The following WWP2 variants were observed in gnomAD, a reference collection of about 807,000 sequenced individuals.
WWP2 encodes NEDD4-like E3 ubiquitin-protein ligase WWP2.
WWP2 carries 57 observed loss-of-function variants against 121.0 expected under a neutral mutation model. The observed-to-expected ratio is 0.47, with a 90% confidence interval of 0.38 to 0.59. The LOEUF is 0.59. Among genes scored for constraint, WWP2 ranks in the 20% least tolerant of loss-of-function variants. The pLI, the probability that WWP2 is intolerant of heterozygous loss-of-function variation, is 0.00. For missense variants in WWP2, 962 were observed against 1,158.9 expected (o/e 0.83, Z 2.47); for synonymous variants, 449 against 441.3 (o/e 1.02, Z -0.22).
At position 69,824,119 on chromosome 16, in the gene WWP2, C is replaced by T. The variant is rs145628159; in HGVS notation, c.341-16007C>T. 3.9e-4 allele frequency among the ~76,000 whole-genome samples: 59 copies of T among 152,346 alleles called. 1 individual carries two copies. The East Asian group carries it at 8.3e-3, about 21-fold the overall frequency. On this transcript the variant is annotated intron_variant, in intron 4 of 23. Transcript: ENST00000359154. Reference sequence around the variant, plus strand: ...GGGCCTCTGCTCCGCACCAGTCATTCGGGCGGCTTCCGCCTGACCGTCCAT... The same window carrying T: ...GGGCCTCTGCTCCGCACCAGTCATTTGGGCGGCTTCCGCCTGACCGTCCAT...
chr16:69,832,364 A>G (rs948404557), intron 4 of WWP2, among the ~76,000 whole-genome samples: 1 of 152,022 alleles, frequency 6.6e-6, no homozygotes, highest in Non-Finnish European at 1.5e-5. Context: ...ACATACTTCA[A>G]CTATAAATAT....
chr16:69,918,665 T>C (rs934315312), intron 10 of WWP2, among the ~76,000 whole-genome samples: 5 of 152,340 alleles, frequency 3.3e-5, no homozygotes, highest in African/African-American at 7.2e-5. Context: ...CCCATCTGAA[T>C]TGCTAGAGCA....
At chr16:69,786,846 CAT>C in intron 1 of WWP2, 148 bp from the exon 2 acceptor site, 2 of 621,828 alleles carry the variant, frequency 3.2e-6, no homozygotes, top group Non-Finnish European at 5.5e-6. Context: ...TTCATTAAGT[CAT>C]TATAAGACAA....
At chr16:69,812,468 A>ACCCC (rs747172682) in intron 4 of WWP2, among the ~76,000 whole-genome samples, 29 of 101,748 alleles carry the variant, frequency 2.9e-4, no homozygotes, top group South Asian at 1.0e-3. Context: ...CCTGCCCCCA[A>ACCCC]CCCCCCCCCT....
intron 8 of WWP2, among the ~76,000 whole-genome samples, chr16:69,898,286 C>A (rs1187650873): frequency 6.6e-6 from 1 of 152,086 alleles, no homozygotes; most frequent in East Asian, 1.9e-4. Flanking sequence ...CCTCGGCCTC[C>A]CAAAGTGCTG....
intron 17 of WWP2, among the ~76,000 whole-genome samples, chr16:69,934,802 C>T (rs1390025778): frequency 6.6e-6 from 1 of 152,026 alleles, no homozygotes; most frequent in South Asian, 2.1e-4. Flanking sequence ...TCTGGTTTCT[C>T]CAGAACTATC....
intron 6 of WWP2, among the ~76,000 whole-genome samples, chr16:69,853,126 G>C (rs1317946474): frequency 2.6e-5 from 4 of 152,224 alleles, no homozygotes; most frequent in Non-Finnish European, 5.9e-5. Flanking sequence ...ATTCAGGAAA[G>C]TAGTCTAATG....
chr16:69,880,497 G>A (rs987037070), intron 7 of WWP2, among the ~76,000 whole-genome samples: 7 of 152,178 alleles, frequency 4.6e-5, no homozygotes, highest in African/African-American at 9.7e-5. Context: ...ACAGTAGGAT[G>A]TAAGTAGGAA....
At chr16:69,818,132 G>A (rs144364104) in intron 4 of WWP2, among the ~76,000 whole-genome samples, 127 of 151,514 alleles carry the variant, frequency 8.4e-4, no homozygotes, top group Middle Eastern at 3.4e-3. Context: ...AGTCTGTTAG[G>A]CAAAGTGATT....
rs2058846519 is a variant in WWP2, at chr16:69,939,400, A to G, written c.2500A>G (p.Arg834Gly). 6.2e-7 allele frequency: 1 copy of G among 1,614,026 alleles called. No individual in the cohort carries two copies. Among genetic ancestry groups the G allele is most frequent in the African/African-American group, 1.3e-5 (1 of 74,932 alleles). Reference sequence around the variant, plus strand: ...AGTTGGCAAGGAAACCTGGCTGCCCAGAAGCCACACCTGGTGAGCCTGCTG... The same window carrying G: ...AGTTGGCAAGGAAACCTGGCTGCCCGGAAGCCACACCTGGTGAGCCTGCTG... ...DKVGKETWLPRSHTCFNRLDL... is the reference protein window; with the variant it reads ...DKVGKETWLPGSHTCFNRLDL... The change falls in exon 23 of 24, where the codon AGA (arginine) becomes GGA (glycine). Residue 834 changes from arginine (R) to glycine (G), a missense_variant. By Grantham distance (125) the Arg-to-Gly change is moderately radical. Around this residue, in one of 3 missense-constraint regions of WWP2, gnomAD observed 606 missense variants for 772.6 expected, o/e 0.78. Transcript: ENST00000359154.
intron 9 of WWP2, among the ~76,000 whole-genome samples, chr16:69,913,868 G>A (rs1042721324): frequency 2.6e-5 from 4 of 151,652 alleles, no homozygotes; most frequent in Non-Finnish European, 4.4e-5. Context: ...TCAGAAGTTC[G>A]AGACCAGCCT....
At chr16:69,800,257 C>A (rs546364292) in intron 4 of WWP2, among the ~76,000 whole-genome samples, 1 of 152,144 alleles carries the variant, frequency 6.6e-6, no homozygotes, top group East Asian at 1.9e-4. Flanking sequence ...TGTGCCTCCA[C>A]TTTAATCCTG....
At chr16:69,849,919 AT>A (rs761265157) in intron 6 of WWP2, among the ~76,000 whole-genome samples, 28 of 152,210 alleles carry the variant, frequency 1.8e-4, no homozygotes, top group Non-Finnish European at 3.7e-4. Flanking sequence ...TTGCATAGAT[AT>A]TTATTTGGCA....
At chr16:69,863,734 G>C (rs970668496) in intron 6 of WWP2, among the ~76,000 whole-genome samples, 5 of 152,160 alleles carry the variant, frequency 3.3e-5, no homozygotes, top group Admixed American at 1.3e-4. Flanking sequence ...GCTCCTCCTT[G>C]TACCCGTCGC....
At chr16:69,938,032 A>T (rs1333469523) in intron 21 of WWP2, among the ~76,000 whole-genome samples, 1 of 152,052 alleles carries the variant, frequency 6.6e-6, no homozygotes, top group East Asian at 1.9e-4. Flanking sequence ...ATTCTTTTAT[A>T]CGTATGGGTT....
At position 69,940,852 on chromosome 16, in the gene WWP2, A is replaced by G. The variant is rs2058871117; in HGVS notation, c.*912A>G. The G allele has an allele frequency of 6.5e-6, 1 of 153,760 alleles. No homozygotes were observed. The highest frequency in any genetic ancestry group is 6.5e-5 in the Admixed American group (1 of 15,304). 9.5% of individuals were successfully genotyped at this position (153,760 alleles called of 1,614,324 possible). ...CAGGGACCTCGTCCCCAAGCCTGGC[A>G]GAATGAGAGGGGTTGAGGTCCCGAG... On this transcript the variant is annotated 3_prime_UTR_variant, in exon 24 of 24. Transcript: ENST00000359154.
In WWP2 at chr16:69,829,118, G is replaced by A. The variant is rs549897846; in HGVS notation, c.341-11008G>A. On this transcript the variant is annotated intron_variant, in intron 4 of 23. Coordinates refer to ENST00000359154, the MANE Select transcript of WWP2 (RefSeq NM_001270454.2). ...ATACCCGACCCCTCTTGCCCACCCC[G>A]TTTTCTAATCTCTTTTCAGATTATC... 6.6e-5 allele frequency among the ~76,000 whole-genome samples: 10 copies of A among 152,142 alleles called. No individual in the cohort carries two copies. The South Asian group carries it at 8.3e-4, about 13-fold the overall frequency.
Position 69,937,159 on chromosome 16 carries a change from A to T in WWP2, c.2159A>T (p.Gln720Leu). The T allele has an allele frequency of 1.2e-6, 2 of 1,614,066 alleles. No individual in the cohort carries two copies. Among genetic ancestry groups the T allele is most frequent in the Non-Finnish European group, 1.7e-6 (2 of 1,180,002 alleles). The change falls in exon 20 of 24, where the codon CAG (glutamine) becomes CTG (leucine). Residue 720 changes from glutamine (Q) to leucine (L), a missense_variant. Physicochemically the swap from Gln to Leu is moderately radical, Grantham distance 113 (BLOSUM62 -2). Transcript: ENST00000359154. This position sits in a 1 kb window ranked among gnomAD's most constrained non-coding sequence, Gnocchi z 6.6. ...CGTTTCACCCGAGGCGTGGAAGAGC[A>T]GACCAAAGCCTTCCTGGATGGCTTC... The part of the protein sequence containing the change: ...DWRFTRGVEE[Q>L]TKAFLDGFNE...
chr16:69,891,604 C>T (rs887414123), intron 8 of WWP2, among the ~76,000 whole-genome samples: 1 of 152,148 alleles, frequency 6.6e-6, no homozygotes, highest in East Asian at 1.9e-4. Context: ...AGAAATGGTT[C>T]TTGCTACCAG....
Sources: allele counts gnomAD v4.1 joint callset (sites outside exome capture counted in the v4.1 genomes callset), GRCh38; gene constraint gnomAD v4.1.1; regional missense constraint gnomAD v4.1.1; non-coding constraint Gnocchi (gnomAD v3.1); transcripts MANE v1.5; gene names NCBI Gene and HGNC (gene_info 2026-07-23, HGNC 2026-07-21).